The following RGS7 variants were observed in gnomAD, a reference collection of about 807,000 sequenced individuals.
The protein encoded by RGS7 is regulator of G-protein signaling 7.
Under a neutral mutation model 81.1 loss-of-function variants are expected in RGS7, and 27 were observed. The ratio of observed to expected loss-of-function variants is 0.33; its 90% CI spans 0.25 to 0.46. RGS7 has a LOEUF of 0.46. RGS7 is among the 20% of genes least tolerant of loss of function. The pLI, the probability that RGS7 is intolerant of heterozygous loss-of-function variation, is 1.00. For missense variants in RGS7, 396 were observed against 607.4 expected (o/e 0.65, Z 3.66); for synonymous variants, 208 against 207.7 (o/e 1.00, Z -0.01).
intron 2 of RGS7, among the ~76,000 whole-genome samples, chr1:241,232,994 T>C (rs1002587824): frequency 2.0e-5 from 3 of 152,314 alleles, no homozygotes; most frequent in Admixed American, 2.0e-4. Context: ...AAAAATCTTA[T>C]AATCTTTTTA....
intron 6 of RGS7, among the ~76,000 whole-genome samples, chr1:240,923,605 AGG>A (rs1368660620): frequency 6.6e-6 from 1 of 152,046 alleles, no homozygotes; most frequent in African/African-American, 2.4e-5. Flanking sequence ...TGAATGACAA[AGG>A]CTTGGAAAGT....
intron 3 of RGS7, among the ~76,000 whole-genome samples, chr1:241,090,735 T>C (rs914906570): frequency 4.6e-5 from 7 of 152,202 alleles, no homozygotes; most frequent in African/African-American, 1.4e-4. Flanking sequence ...TCATCAGATA[T>C]AATCTCCAAA....
chr1:240,986,637 A>G lies in RGS7; in HGVS notation c.176-3508T>C, dbSNP rs1467464988. On this transcript the variant is annotated intron_variant, in intron 3 of 18. Coordinates refer to ENST00000440928, the MANE Select transcript of RGS7 (RefSeq NM_001364886.1). ...CTCGCTGTCGCCCAGGCTGGAGTGCAGTGGCGCAATCTCGGCTCACTGCAG... is the reference window on the plus strand; with the variant it reads ...CTCGCTGTCGCCCAGGCTGGAGTGCGGTGGCGCAATCTCGGCTCACTGCAG... Among the ~76,000 whole-genome samples, 2 of 16,784 alleles carry G rather than the reference A, an allele frequency of 1.2e-4. 1 individual carries two copies. The highest frequency in any genetic ancestry group is 1.9e-4 in the Non-Finnish European group (2 of 10,336). 11.0% of individuals were successfully genotyped at this position (16,784 alleles called of 152,430 possible).
At chr1:241,117,098 C>CA (rs749821402) in intron 2 of RGS7, among the ~76,000 whole-genome samples, 9 of 151,498 alleles carry the variant, frequency 5.9e-5, no homozygotes, top group African/African-American at 1.2e-4. Context: ...GATTATATTT[C>CA]AAAAAAAACA....
At position 241,132,963 on chromosome 1, in the gene RGS7, C is replaced by T. The variant is rs370607035; in HGVS notation, c.79-34201G>A. 1.9e-4 allele frequency among the ~76,000 whole-genome samples: 29 copies of T among 152,168 alleles called. No homozygotes were observed. In the East Asian group the frequency reaches 3.7e-3, roughly 19 times the overall value. On this transcript the variant is annotated intron_variant, in intron 2 of 18. Coordinates refer to ENST00000440928, the MANE Select transcript of RGS7 (RefSeq NM_001364886.1). ...ATTTTTAGTAGAGATGGGGTTTCAC[C>T]GTGTTAGCCAGGATGGTCTCGATCT...
intron 6 of RGS7, among the ~76,000 whole-genome samples, chr1:240,914,745 A>T (rs373601380): frequency 3.9e-5 from 6 of 152,216 alleles, no homozygotes; most frequent in African/African-American, 1.4e-4. Context: ...CTCCCATCCA[A>T]TCTCACAAAG....
chr1:241,250,272 CAGAG>C (rs143448997), intron 2 of RGS7, among the ~76,000 whole-genome samples: 1 of 152,058 alleles, frequency 6.6e-6, no homozygotes. Flanking sequence ...AAAGGAAAGA[CAGAG>C]AATTTTATCG....
intron 2 of RGS7, among the ~76,000 whole-genome samples, chr1:241,149,697 T>C (rs1386749613): frequency 6.6e-6 from 1 of 152,236 alleles, no homozygotes; most frequent in Non-Finnish European, 1.5e-5. Flanking sequence ...TTTTGGGAGA[T>C]AACTAAAGAG....
intron 3 of RGS7, among the ~76,000 whole-genome samples, chr1:241,066,580 C>A (rs2062075457): frequency 6.6e-6 from 1 of 152,162 alleles, no homozygotes; most frequent in Non-Finnish European, 1.5e-5. Flanking sequence ...TAAGTTCTTG[C>A]AGACTTCTTT....
chr1:241,075,032 C>T (rs115441898), intron 3 of RGS7, among the ~76,000 whole-genome samples: 114 of 152,256 alleles, frequency 7.5e-4, no homozygotes, highest in African/African-American at 2.6e-3. Context: ...TGCTAAAAGG[C>T]CACCTGACCA....
chr1:240,844,187 T>C (rs9661378), intron 9 of RGS7, among the ~76,000 whole-genome samples: 102,910 of 152,034 alleles, frequency 0.68, 35,256 homozygotes, highest in Middle Eastern at 0.77. Flanking sequence ...CTTCCTTGTC[T>C]ATATTTAAAC....
chr1:241,206,590 T>C (rs2147889650), intron 2 of RGS7, among the ~76,000 whole-genome samples: 1 of 152,320 alleles, frequency 6.6e-6, no homozygotes, highest in South Asian at 2.1e-4. Flanking sequence ...TACTTTGGCA[T>C]ACAACGTGAG....
intron 3 of RGS7, among the ~76,000 whole-genome samples, chr1:241,067,955 C>G (rs1262691910): frequency 6.6e-6 from 1 of 151,432 alleles, no homozygotes; most frequent in African/African-American, 2.4e-5. Context: ...TTGCTCCCAT[C>G]TGAATGTAGA....
At chr1:241,093,825 T>G (rs958706804) in intron 3 of RGS7, among the ~76,000 whole-genome samples, 1 of 151,444 alleles carries the variant, frequency 6.6e-6, no homozygotes, top group Non-Finnish European at 1.5e-5. Context: ...ACATTTTTCA[T>G]GTACACTCCT....
chr1:241,292,168 C>A (rs2079127287), intron 2 of RGS7, among the ~76,000 whole-genome samples: 1 of 152,116 alleles, frequency 6.6e-6, no homozygotes, highest in African/African-American at 2.4e-5. Flanking sequence ...TGGAATACCT[C>A]CTGAAGGACC....
chr1:240,885,375 T>C (rs1240641486), intron 6 of RGS7, among the ~76,000 whole-genome samples: 2 of 151,896 alleles, frequency 1.3e-5, no homozygotes, highest in Non-Finnish European at 2.9e-5. Flanking sequence ...AGAACTACCA[T>C]TGGACCCAGC....
chr1:241,350,548 G>A (rs2083170814), intron 2 of RGS7, among the ~76,000 whole-genome samples: 1 of 151,962 alleles, frequency 6.6e-6, no homozygotes, highest in Admixed American at 6.6e-5. Context: ...GTTGTCCCTT[G>A]TATATATTCC....
At chr1:241,002,213 G>A (rs1458623560) in intron 3 of RGS7, among the ~76,000 whole-genome samples, 5 of 151,922 alleles carry the variant, frequency 3.3e-5, no homozygotes, top group Admixed American at 6.6e-5. Flanking sequence ...TTGGGAGGCC[G>A]AGGCGGGTGG....
intron 2 of RGS7, among the ~76,000 whole-genome samples, chr1:241,237,602 T>G (rs2076048075): frequency 6.6e-6 from 1 of 152,200 alleles, no homozygotes; most frequent in Non-Finnish European, 1.5e-5. Context: ...CTGAAGGACT[T>G]AATTTTTAAA....
Sources: gnomAD v4.1 joint callset for allele counts (sites outside exome capture counted in the v4.1 genomes callset) on GRCh38, gnomAD v4.1.1 for gene constraint, MANE v1.5 for transcripts, NCBI Gene and HGNC (gene_info 2026-07-23, HGNC 2026-07-21) for gene names.